Variants in KCNIP4 observed in about 807,000 individuals in gnomAD.
KCNIP4 encodes potassium voltage-gated channel interacting protein 4.
In KCNIP4, 12 loss-of-function variants were observed where a neutral mutation model predicts 34.0. The ratio of observed to expected loss-of-function variants is 0.35; its 90% confidence interval spans 0.23 to 0.57. The LOEUF (loss-of-function observed/expected upper bound fraction) is 0.57. Ranked by LOEUF, KCNIP4 falls within the 20% of genes least tolerant of loss-of-function variation. KCNIP4 has a pLI of 0.83. For missense variants in KCNIP4, 238 were observed against 311.7 expected, an observed-to-expected ratio of 0.76 and a Z score of 1.78; for synonymous variants, 124 against 102.2, an observed-to-expected ratio of 1.21 and a Z score of -1.29.
At chr4:21,909,035 T>G (rs1411587514) in intron 1 of KCNIP4, among the ~76,000 whole-genome samples, 33 of 151,954 alleles carry the variant, frequency 2.2e-4, no homozygotes, top group Non-Finnish European at 5.9e-5. Flanking sequence ...AAATTAAACT[T>G]CAGGAAGGTA....
In KCNIP4 at chr4:21,670,705, G is replaced by C. The variant is rs888256982; in HGVS notation, c.61+277866C>G. Among the ~76,000 whole-genome samples, 4 of 152,074 alleles carry C rather than the reference G, an allele frequency of 2.6e-5. No individual in the cohort carries two copies. The East Asian group carries it at 5.8e-4, about 22-fold the overall frequency. On this transcript the variant is annotated intron_variant, in intron 1 of 8. Coordinates refer to ENST00000382152, the MANE Select transcript of KCNIP4 (RefSeq NM_025221.6). ...GAGTCTTGCTCTGTCGCCCAGGCTGGAGTGCAGTGGCGCGATCTTGGCTCA... is the reference window on the plus strand; with the variant it reads ...GAGTCTTGCTCTGTCGCCCAGGCTGCAGTGCAGTGGCGCGATCTTGGCTCA...
chr4:20,869,806 G>A (rs1723251421), intron 2 of KCNIP4, among the ~76,000 whole-genome samples: 1 of 151,958 alleles, frequency 6.6e-6, no homozygotes, highest in Admixed American at 6.6e-5. Context: ...TTAGGAGTGA[G>A]GGGTCTAACA....
chr4:21,568,918 T>G (rs1241245325), intron 1 of KCNIP4, among the ~76,000 whole-genome samples: 1 of 151,996 alleles, frequency 6.6e-6, no homozygotes, highest in Non-Finnish European at 1.5e-5. Flanking sequence ...ACAGTGAAGA[T>G]GAAGGAAAAA....
chr4:21,374,491 C>T (rs1720790688), intron 1 of KCNIP4, among the ~76,000 whole-genome samples: 1 of 147,116 alleles, frequency 6.8e-6, no homozygotes, highest in Non-Finnish European at 1.5e-5. Flanking sequence ...TCCCACAATA[C>T]ATGGGAATTA....
chr4:21,350,089 T>C (rs947051307), intron 1 of KCNIP4, among the ~76,000 whole-genome samples: 1 of 152,086 alleles, frequency 6.6e-6, no homozygotes, highest in Non-Finnish European at 1.5e-5. Flanking sequence ...TACTCTAATT[T>C]ATTTATTAAT....
intron 1 of KCNIP4, among the ~76,000 whole-genome samples, chr4:21,675,722 T>C (rs1394007005): frequency 1.3e-5 from 2 of 152,182 alleles, no homozygotes; most frequent in African/African-American, 4.8e-5. Flanking sequence ...GAGAGTCACA[T>C]GTTTTAGGGT....
At chr4:20,865,032 AC>A (rs2149501205) in intron 2 of KCNIP4, among the ~76,000 whole-genome samples, 2 of 152,222 alleles carry the variant, frequency 1.3e-5, no homozygotes, top group East Asian at 3.9e-4. Context: ...CCTAATTTTC[AC>A]CACTGGCTCT....
intron 1 of KCNIP4, among the ~76,000 whole-genome samples, chr4:20,936,910 T>C (rs574896309): frequency 1.3e-5 from 2 of 152,288 alleles, no homozygotes; most frequent in African/African-American, 4.8e-5. Flanking sequence ...ATCTGCCCTG[T>C]GGCTACTCTG....
chr4:21,593,549 A>G (rs550194030), intron 1 of KCNIP4, among the ~76,000 whole-genome samples: 3 of 152,028 alleles, frequency 2.0e-5, no homozygotes, highest in Non-Finnish European at 4.4e-5. Context: ...TCCTCATAAA[A>G]TGACTCATTA....
chr4:21,484,259 T>C (rs1416354636), intron 1 of KCNIP4, among the ~76,000 whole-genome samples: 1 of 151,812 alleles, frequency 6.6e-6, no homozygotes, highest in Non-Finnish European at 1.5e-5. Context: ...AAACCCCACC[T>C]CTAGTACAAA....
intron 4 of KCNIP4, among the ~76,000 whole-genome samples, chr4:20,754,391 A>G (rs540340330): frequency 1.8e-4 from 28 of 152,246 alleles, no homozygotes; most frequent in South Asian, 8.3e-4. Flanking sequence ...ACTGTTCATA[A>G]TGAGAAAAAC....
chr4:21,362,913 T>A (rs1455313511), intron 1 of KCNIP4, among the ~76,000 whole-genome samples: 1 of 151,904 alleles, frequency 6.6e-6, no homozygotes, highest in Non-Finnish European at 1.5e-5. Context: ...TAAGAAAAAA[T>A]TGTCATTCTT....
intron 1 of KCNIP4, among the ~76,000 whole-genome samples, chr4:21,924,188 A>G (rs1729100141): frequency 1.3e-5 from 2 of 152,160 alleles, no homozygotes; most frequent in Non-Finnish European, 2.9e-5. Flanking sequence ...ATAGTAATAT[A>G]ACCACAAATG....
At chr4:21,092,163 C>G (rs1302296677) in intron 1 of KCNIP4, among the ~76,000 whole-genome samples, 1 of 151,934 alleles carries the variant, frequency 6.6e-6, no homozygotes, top group Non-Finnish European at 1.5e-5. Context: ...ATTTGTTGAG[C>G]ATTTATATGT....
chr4:20,773,252 AAATTGTTGC>A lies in KCNIP4; in HGVS notation c.289-14371_289-14363del, dbSNP rs748646961. Among the ~76,000 whole-genome samples the A allele has an allele frequency of 2.0e-3, 303 of 152,278 alleles. 1 individual carries two copies. Among genetic ancestry groups the A allele is most frequent in the Middle Eastern group, 0.014 (4 of 294 alleles). Reference sequence around the variant, plus strand: ...CTCATTTATGCAGGACGTATTTTTGAAATTGTTGCAATTGTTGCAAATACTTGAGAAGTT... The same window carrying A: ...CTCATTTATGCAGGACGTATTTTTGAAATTGTTGCAAATACTTGAGAAGTT... On this transcript the variant is annotated intron_variant, in intron 3 of 8. Transcript: ENST00000382152.
intron 1 of KCNIP4, among the ~76,000 whole-genome samples, chr4:21,028,146 C>T (rs1740706816): frequency 6.6e-6 from 1 of 152,088 alleles, no homozygotes; most frequent in Non-Finnish European, 1.5e-5. Context: ...CAGAACATAT[C>T]CAGAACCTCA....
At chr4:21,370,882 C>CGT (rs112128246) in intron 1 of KCNIP4, among the ~76,000 whole-genome samples, 16,715 of 38,024 alleles carry the variant, frequency 0.44, 4,788 homozygotes, top group Non-Finnish European at 0.52. Flanking sequence ...CACACACACA[C>CGT]GTGTGTGTGT....
intron 1 of KCNIP4, among the ~76,000 whole-genome samples, chr4:21,320,962 CTT>C (rs1233439616): frequency 1.6e-4 from 11 of 69,018 alleles, no homozygotes; most frequent in African/African-American, 1.1e-3. Flanking sequence ...AAGAATCTGT[CTT>C]AAAAAAAAAA....
chr4:21,456,002 C>A (rs966407275), intron 1 of KCNIP4, among the ~76,000 whole-genome samples: 1 of 145,386 alleles, frequency 6.9e-6, no homozygotes, highest in East Asian at 2.0e-4. Flanking sequence ...TCTAGTCCTC[C>A]TTCCATCGTA....
Sources: gnomAD v4.1 joint callset for allele counts (sites outside exome capture counted in the v4.1 genomes callset) on GRCh38, gnomAD v4.1.1 for gene constraint, MANE v1.5 for transcripts, NCBI Gene and HGNC (gene_info 2026-07-23, HGNC 2026-07-21) for gene names.